Variants in ECD observed in about 807,000 individuals in gnomAD.
ECD encodes the protein ecdysoneless cell cycle regulator, also known as protein ecdysoneless homolog.
Under a neutral mutation model 77.2 loss-of-function variants are expected in ECD, and 59 were observed. The ratio of observed to expected loss-of-function variants is 0.76; its 90% CI spans 0.62 to 0.95. The LOEUF is 0.95. Among genes scored for constraint, ECD ranks in the 40% least tolerant of loss-of-function variants. The probability of loss-of-function intolerance (pLI) is 0.00; values close to 1 mark genes in which losing one functional copy is unlikely to be tolerated. For synonymous variants in ECD, 233 were observed against 267.4 expected (o/e 0.87, Z 1.26); for missense variants, 704 against 763.4 (o/e 0.92, Z 0.92).
chr10:73,154,105 T>C (rs1843260211), intron 6 of ECD, 151 bp downstream of exon 6: 1 of 769,438 alleles, frequency 1.3e-6, no homozygotes, highest in South Asian at 2.3e-5. Context: ...TAACATGCTA[T>C]GAAGAAACAG....
intron 2 of ECD, among the ~76,000 whole-genome samples, chr10:73,161,171 A>C (rs965941336): frequency 3.3e-5 from 5 of 152,062 alleles, no homozygotes. Context: ...CCTCAAAAAA[A>C]AAAAACAAAA....
chr10:73,165,446 G>C (rs1381838182), intron 1 of ECD, among the ~76,000 whole-genome samples: 1 of 151,638 alleles, frequency 6.6e-6, no homozygotes. Context: ...CTGCCTCCCA[G>C]GTTCAAGCGA....
rs761786264 is a variant in ECD, at chr10:73,152,362, C to T, written c.843G>A (p.Arg281=). The change falls in exon 7 of 14, where the codon CGG becomes CGA. Residue 281 remains arginine, a synonymous_variant. Coordinates refer to ENST00000372979, the MANE Select transcript of ECD (RefSeq NM_007265.3). ...QLVQQRFVPD[R]RSGYRLPPPS... is the part of the protein sequence containing the mutation. Reference sequence around the variant, plus strand: ...GAGGAGGCAGCCTGTATCCACTCCGCCGGTCTGGCACAAACCTTTGTTGCA... The same window carrying T: ...GAGGAGGCAGCCTGTATCCACTCCGTCGGTCTGGCACAAACCTTTGTTGCA... The T allele has an allele frequency of 1.9e-6, 3 of 1,613,932 alleles. No homozygotes were observed. Among genetic ancestry groups the T allele is most frequent in the East Asian group, 2.2e-5 (1 of 44,872 alleles).
chr10:73,156,149 A>G (rs1843292264), intron 5 of ECD, 126 bp downstream of exon 5: 1 of 741,090 alleles, frequency 1.3e-6, no homozygotes, highest in Non-Finnish European at 2.0e-6. Context: ...AAGGTATTTT[A>G]TAGTCAAAGA....
chr10:73,146,405 G>A, intron 8 of ECD, 44 bp from the exon 9 acceptor site: 1 of 1,394,268 alleles, frequency 7.2e-7, no homozygotes, highest in Non-Finnish European at 9.7e-7. Flanking sequence ...CTCACAAGTT[G>A]TCATGAAAAA....
At chr10:73,139,847 GT>G in intron 9 of ECD, 110 bp from the exon 10 acceptor site, 2 of 500,482 alleles carry the variant, frequency 4.0e-6, no homozygotes, top group Non-Finnish European at 6.4e-6. Flanking sequence ...AATTTGGGGA[GT>G]GTTTTTTTTT....
At position 73,156,662 on chromosome 10, in the gene ECD, C is replaced by A; in HGVS notation, c.324-7G>T. On this transcript the variant is annotated splice_region_variant and splice_polypyrimidine_tract_variant and intron_variant, in intron 3 of 13. Coordinates refer to ENST00000372979, the MANE Select transcript of ECD (RefSeq NM_007265.3). ...ACCATCATTGTCTTCAATCCTAATG[C>A]AAGAAAATTTCCAATTTTGCATTCA... The A allele has an allele frequency of 3.1e-6, 5 of 1,612,278 alleles. No individual in the cohort carries two copies. Among genetic ancestry groups the A allele is most frequent in the Non-Finnish European group, 4.2e-6 (5 of 1,179,794 alleles).
At chr10:73,160,208 C>A (rs1843356970) in intron 3 of ECD, among the ~76,000 whole-genome samples, 2 of 151,480 alleles carry the variant, frequency 1.3e-5, no homozygotes, top group Middle Eastern at 6.8e-3. Context: ...ATCGCTTGAA[C>A]CCGGAAGGTG....
intron 1 of ECD, 92 bp from the exon 2 acceptor site, chr10:73,164,042 A>G: frequency 8.5e-7 from 1 of 1,170,820 alleles, no homozygotes; most frequent in Non-Finnish European, 1.2e-6. Flanking sequence ...ACTGTTTTCT[A>G]AAATTTAGTT....
intron 1 of ECD, among the ~76,000 whole-genome samples, chr10:73,166,082 G>A (rs540287999): frequency 6.6e-6 from 1 of 151,952 alleles, no homozygotes; most frequent in Non-Finnish European, 1.5e-5. Flanking sequence ...TTATCTTTCT[G>A]TGCCATCCTT....
chr10:73,154,257 G>T lies in ECD; in HGVS notation c.782C>A (p.Ser261Ter), dbSNP rs199525944. Residue 261 changes from serine to a stop codon, truncating the protein, a stop_gained and splice_region_variant, in exon 6 of 14, where the codon TCG becomes TAG. Coordinates refer to ENST00000372979, the MANE Select transcript of ECD (RefSeq NM_007265.3). LOFTEE classifies it high-confidence loss of function. ...TFLPETRIMT[S>*]VTFTKCLYAQ... The stretch of plus-strand genomic sequence containing the variant: ...AAATGACCAAGATAGAAATCTCACC[G>T]ATGTCATTATTCGTGTTTCAGGCAA... 65 of 1,590,402 alleles carry T rather than the reference G, an allele frequency of 4.1e-5. No individual in the cohort carries two copies. The highest frequency in any genetic ancestry group is 4.0e-5 in the Non-Finnish European group (47 of 1,168,322).
chr10:73,138,119 T>G (rs1490005544), intron 11 of ECD, 49 bp from the exon 12 acceptor site: 2 of 1,385,602 alleles, frequency 1.4e-6, no homozygotes, highest in Non-Finnish European at 1.9e-6. Flanking sequence ...AATACAACTC[T>G]TTGAAACTTT....
chr10:73,143,385 C>T (rs903983271), intron 9 of ECD, among the ~76,000 whole-genome samples: 7 of 152,122 alleles, frequency 4.6e-5, no homozygotes, highest in African/African-American at 1.4e-4. Context: ...CCAGGCTGGT[C>T]TTGAACTCCT....
intron 9 of ECD, among the ~76,000 whole-genome samples, chr10:73,142,832 G>A (rs1044189324): frequency 2.0e-5 from 3 of 152,026 alleles, no homozygotes; most frequent in Non-Finnish European, 4.4e-5. Context: ...TTGCTGGAAT[G>A]TTATTCCCCT....
intron 2 of ECD, among the ~76,000 whole-genome samples, chr10:73,161,729 T>C (rs1025852186): frequency 6.6e-6 from 1 of 152,112 alleles, no homozygotes; most frequent in Non-Finnish European, 1.5e-5. Context: ...ACAAAGACAA[T>C]ATGAGAAAGC....
chr10:73,158,176 G>A (rs1000676313), intron 3 of ECD, among the ~76,000 whole-genome samples: 2 of 151,922 alleles, frequency 1.3e-5, no homozygotes, highest in African/African-American at 2.4e-5. Context: ...GGCCAGGCTC[G>A]TCTCGAACTT....
rs748126351 is a variant in ECD at position 73,163,742 on chromosome 10, G to GTTTA, written c.192_195dup (p.Pro66Ter). Reference sequence around the variant, plus strand: ...AGTAAAAGAGCCTTACCTTTCCCAGGTTTATATTTAAGATTGAAAGGCTGA... The same window carrying GTTTA: ...AGTAAAAGAGCCTTACCTTTCCCAGGTTTATTTATATTTAAGATTGAAAGGCTGA... On this transcript the variant is annotated stop_gained and frameshift_variant, in exon 2 of 14. Transcript: ENST00000372979. LOFTEE classifies it high-confidence loss of function. 14 of 1,614,004 alleles carry GTTTA rather than the reference G, an allele frequency of 8.7e-6. No individual in the cohort carries two copies. The highest frequency in any genetic ancestry group is 1.2e-5 in the Non-Finnish European group (14 of 1,179,994).
At chr10:73,135,673 A>T (rs1842967500) in intron 13 of ECD, among the ~76,000 whole-genome samples, 1 of 152,028 alleles carries the variant, frequency 6.6e-6, no homozygotes, top group Non-Finnish European at 1.5e-5. Flanking sequence ...GTGAGCCAAG[A>T]TCGTGCCACT....
chr10:73,157,738 T>A (rs917648646), intron 3 of ECD, among the ~76,000 whole-genome samples: 221 of 151,540 alleles, frequency 1.5e-3, no homozygotes, highest in Non-Finnish European at 2.3e-3. Flanking sequence ...AAAAAAAAGT[T>A]ACAAAATAAA....
Sources: gnomAD v4.1 joint callset for allele counts (sites outside exome capture counted in the v4.1 genomes callset) on GRCh38, gnomAD v4.1.1 for gene constraint, MANE v1.5 for transcripts, NCBI Gene and HGNC (gene_info 2026-07-23, HGNC 2026-07-21) for gene names.